The following HYAL4 variants were observed in gnomAD, a reference collection of about 807,000 sequenced individuals.
HYAL4 encodes the protein hyaluronidase-4.
Under a neutral mutation model 35.2 loss-of-function variants are expected in HYAL4, and 37 were observed. The ratio of observed to expected loss-of-function variants is 1.05; its 90% confidence interval spans 0.81 to 1.38. The LOEUF (loss-of-function observed/expected upper bound fraction) is 1.38, where lower values mean the gene tolerates loss of function less well. Among genes scored for constraint, HYAL4 ranks in the 40% most tolerant of loss-of-function variants. The probability of loss-of-function intolerance (pLI) is 0.00; values close to 1 mark genes in which losing one functional copy is unlikely to be tolerated. For synonymous variants in HYAL4, 198 were observed against 203.2 expected, an observed-to-expected ratio of 0.97 and a Z score of 0.22; for missense variants, 572 against 572.4, an observed-to-expected ratio of 1.00 and a Z score of 0.01.
At chr7:123,807,739 A>T in the HYAL4 span, among the ~76,000 whole-genome samples, 1 of 145,548 alleles carries the variant, frequency 6.9e-6, no homozygotes, top group African/African-American at 2.6e-5. Flanking sequence ...CCTATTTTTT[A>T]TGTATTTTTG....
At chr7:123,765,209 A>C in the HYAL4 span, among the ~76,000 whole-genome samples, 1 of 152,080 alleles carries the variant, frequency 6.6e-6, no homozygotes, top group Non-Finnish European at 1.5e-5. Flanking sequence ...TAAATAAAAA[A>C]AATTGTCACT....
chr7:123,865,754 G>T (rs1360265698), intron 2 of HYAL4, among the ~76,000 whole-genome samples: 2 of 152,118 alleles, frequency 1.3e-5, no homozygotes, highest in African/African-American at 4.8e-5. Context: ...TGTAGCACAG[G>T]CTTTACTACA....
chr7:123,826,243 A>C (rs1315650976), upstream of HYAL4, among the ~76,000 whole-genome samples: 1 of 152,098 alleles, frequency 6.6e-6, no homozygotes, highest in Non-Finnish European at 1.5e-5. Flanking sequence ...TAGGAAATGC[A>C]CTGATTCAAT....
At chr7:123,792,680 C>G in the HYAL4 span, among the ~76,000 whole-genome samples, 1 of 152,152 alleles carries the variant, frequency 6.6e-6, no homozygotes, top group Admixed American at 6.5e-5. Context: ...CATCCCCAGA[C>G]TGCTGATCTC....
At chr7:123,851,549 A>G (rs1183403387) in intron 2 of HYAL4, among the ~76,000 whole-genome samples, 1 of 152,148 alleles carries the variant, frequency 6.6e-6, no homozygotes, top group East Asian at 1.9e-4. Context: ...AGCTTCATTC[A>G]TGTCCCCGCA....
rs570853012 is a variant in HYAL4 at position 123,874,888 on chromosome 7, A to T, written c.1044+38A>T. ...CTTGAAGGTATATTTAATGTTTTCT[A>T]TTAAAAGTATTTCTCTGCTTTCTTG... is the stretch of plus-strand genomic sequence containing the variant. On this transcript the variant is annotated intron_variant, in intron 4 of 4. Transcript: ENST00000223026. 23 of 1,158,254 alleles carry T rather than the reference A, an allele frequency of 2.0e-5. No individual in the cohort carries two copies. The South Asian group carries it at 2.8e-4, about 14-fold the overall frequency. 71.7% of individuals were successfully genotyped at this position (1,158,254 alleles called of 1,614,324 possible). A position where few individuals can be genotyped will look rare whatever the true frequency, so the allele number is the denominator to read the frequency against.
At chr7:123,781,761 A>T in the HYAL4 span, among the ~76,000 whole-genome samples, 2 of 152,164 alleles carry the variant, frequency 1.3e-5, no homozygotes, top group Non-Finnish European at 2.9e-5. Context: ...GAATATTTTG[A>T]GTTAAAATAG....
At chr7:123,783,205 G>T in the HYAL4 span, among the ~76,000 whole-genome samples, 1 of 152,040 alleles carries the variant, frequency 6.6e-6, no homozygotes, top group Non-Finnish European at 1.5e-5. Flanking sequence ...ATCAAGCCCT[G>T]GGCTAGTACT....
upstream of HYAL4, among the ~76,000 whole-genome samples, chr7:123,840,855 T>C (rs1562993425): frequency 6.6e-6 from 1 of 152,102 alleles, no homozygotes; most frequent in Non-Finnish European, 1.5e-5. Context: ...GAGACCTTGC[T>C]GAAGTTGCTT....
chr7:123,843,162 C>T (rs1806102545), upstream of HYAL4, among the ~76,000 whole-genome samples: 1 of 151,960 alleles, frequency 6.6e-6, no homozygotes, highest in Non-Finnish European at 1.5e-5. Context: ...ATGTTTAGTG[C>T]TTCCTTCAGG....
chr7:123,773,332 C>T, the HYAL4 span, among the ~76,000 whole-genome samples: 29 of 152,002 alleles, frequency 1.9e-4, no homozygotes, highest in Non-Finnish European at 2.8e-4. Context: ...TTTACTGTTT[C>T]ATTTATTTAA....
intron 2 of HYAL4, among the ~76,000 whole-genome samples, chr7:123,850,690 T>C (rs1806286852): frequency 6.6e-6 from 1 of 152,218 alleles, no homozygotes; most frequent in African/African-American, 2.4e-5. Flanking sequence ...CTCTGTCTTA[T>C]CATGAATATG....
chr7:123,825,062 A>T (rs1446416984), upstream of HYAL4, among the ~76,000 whole-genome samples: 1 of 152,044 alleles, frequency 6.6e-6, no homozygotes, highest in Non-Finnish European at 1.5e-5. Flanking sequence ...CTAACTCCTT[A>T]GTTGTCAACC....
the HYAL4 span, among the ~76,000 whole-genome samples, chr7:123,813,143 C>T: frequency 6.6e-6 from 1 of 152,054 alleles, no homozygotes; most frequent in African/African-American, 2.4e-5. Context: ...CCAAGAACTA[C>T]ATGAGAAACA....
chr7:123,801,871 G>A, the HYAL4 span, among the ~76,000 whole-genome samples: 1 of 152,220 alleles, frequency 6.6e-6, no homozygotes, highest in Non-Finnish European at 1.5e-5. Flanking sequence ...GGTGTAAATT[G>A]TGATTCTCCC....
At chr7:123,875,919 CA>C (rs1807009565) in intron 4 of HYAL4, 1 of 409,586 alleles carries the variant, frequency 2.4e-6, no homozygotes, top group African/African-American at 2.1e-5. Flanking sequence ...CAGAATTTCA[CA>C]GTCTCAATTT....
At chr7:123,794,132 C>CA in the HYAL4 span, among the ~76,000 whole-genome samples, 1 of 152,076 alleles carries the variant, frequency 6.6e-6, no homozygotes, top group Non-Finnish European at 1.5e-5. Context: ...TACACTTTAG[C>CA]AAAAAGACTG....
At chr7:123,840,586 C>G (rs551347042), upstream of HYAL4, among the ~76,000 whole-genome samples, 1 of 152,056 alleles carries the variant, frequency 6.6e-6, no homozygotes, top group Non-Finnish European at 1.5e-5. Flanking sequence ...GCAGTACGGC[C>G]ATTTTCACGG....
At chr7:123,794,463 A>G in the HYAL4 span, among the ~76,000 whole-genome samples, 1 of 152,094 alleles carries the variant, frequency 6.6e-6, no homozygotes, top group African/African-American at 2.4e-5. Flanking sequence ...CCTAGGAGGG[A>G]AAAATTGTTT....
Sources: gnomAD v4.1 joint callset for allele counts (sites outside exome capture counted in the v4.1 genomes callset) on GRCh38, gnomAD v4.1.1 for gene constraint, MANE v1.5 for transcripts, NCBI Gene and HGNC (gene_info 2026-07-23, HGNC 2026-07-21) for gene names.